Variants in MYL4 observed in about 807,000 individuals in gnomAD.
MYL4 encodes myosin light chain 4.
A neutral mutation model predicts 21.6 loss-of-function variants in MYL4; 16 were observed. The observed-to-expected ratio is 0.74, with a 90% CI of 0.50 to 1.12. MYL4 has a LOEUF of 1.12. MYL4 is among the 50% of genes most tolerant of loss of function. The probability of loss-of-function intolerance (pLI) is 0.00; values close to 1 mark genes in which losing one functional copy is unlikely to be tolerated. For synonymous variants in MYL4, 82 were observed against 95.7 expected (o/e 0.86, Z 0.83); for missense variants, 249 against 252.9 (o/e 0.98, Z 0.11).
chr17:47,208,265 A>G (rs1046550677), upstream of MYL4, among the ~76,000 whole-genome samples: 35 of 152,108 alleles, frequency 2.3e-4, no homozygotes, highest in Admixed American at 4.6e-4. Context: ...AAAACAAAAA[A>G]CAAAAAAACT....
the MYL4 span, among the ~76,000 whole-genome samples, chr17:47,189,945 TG>T: frequency 3.9e-3 from 595 of 152,160 alleles, 4 homozygotes; most frequent in African/African-American, 0.014. Context: ...AGAGGGCAAT[TG>T]TGATAAGATA....
At chr17:47,194,118 C>G in the MYL4 span, among the ~76,000 whole-genome samples, 1 of 152,214 alleles carries the variant, frequency 6.6e-6, no homozygotes, top group Non-Finnish European at 1.5e-5. Flanking sequence ...TCCAGCCAGA[C>G]TACTTTTTAG....
At chr17:47,189,489 G>T in the MYL4 span, 1 of 453,004 alleles carries the variant, frequency 2.2e-6, no homozygotes, top group South Asian at 2.4e-5. Flanking sequence ...TCTCTTCTCA[G>T]CCACGCCTTC....
chr17:47,199,168 GA>G (rs1334883439), upstream of MYL4, among the ~76,000 whole-genome samples: 11 of 151,512 alleles, frequency 7.3e-5, no homozygotes, highest in East Asian at 1.9e-3. Flanking sequence ...GTGACCCCCA[GA>G]AGTGGACCTT....
chr17:47,211,254 A>G (rs2064772568), intron 1 of MYL4, among the ~76,000 whole-genome samples: 1 of 152,148 alleles, frequency 6.6e-6, no homozygotes, highest in Non-Finnish European at 1.5e-5. Flanking sequence ...CTTTACTCCA[A>G]GACAGAAGAG....
At position 47,203,143 on chromosome 17, in the gene MYL4, G is replaced by A. The variant is rs1353804202; in HGVS notation, c.-35+2557G>A. 7.9e-5 allele frequency among the ~76,000 whole-genome samples: 12 copies of A among 152,116 alleles called. No individual in the cohort carries two copies. In the East Asian group the frequency reaches 2.3e-3, roughly 29 times the overall value. ...TTTTTGTATTTTTAGTAGAGACAGG[G>A]TTTCACCATGTTGGCCAGGCTGGTC... On this transcript the variant is annotated intron_variant and NMD_transcript_variant, in intron 1 of 6. Coordinates refer to the MYL4 transcript ENST00000571981.
intron 1 of MYL4, among the ~76,000 whole-genome samples, chr17:47,213,273 C>T (rs752312697): frequency 2.0e-5 from 3 of 152,130 alleles, no homozygotes; most frequent in Admixed American, 6.5e-5. Context: ...ACTTAATAAG[C>T]GGTATTGAGA....
intron 1 of MYL4, among the ~76,000 whole-genome samples, chr17:47,201,506 C>T (rs1477554117): frequency 6.6e-6 from 1 of 151,290 alleles, no homozygotes; most frequent in African/African-American, 2.4e-5. Context: ...GCCCAGGCTG[C>T]AGTGCAATGG....
intron 2 of MYL4, among the ~76,000 whole-genome samples, chr17:47,219,315 C>T (rs1283566170): frequency 2.0e-5 from 3 of 152,190 alleles, no homozygotes; most frequent in African/African-American, 7.2e-5. Flanking sequence ...GTTGTCACTC[C>T]CTTTGTGTGC....
intron 1 of MYL4, among the ~76,000 whole-genome samples, chr17:47,211,348 G>A (rs1379252692): frequency 6.6e-6 from 1 of 151,962 alleles, no homozygotes; most frequent in Non-Finnish European, 1.5e-5. Flanking sequence ...AGGCATTTGA[G>A]TCCAGCCTGG....
At chr17:47,205,108 T>A (rs140671873), upstream of MYL4, among the ~76,000 whole-genome samples, 1 of 152,322 alleles carries the variant, frequency 6.6e-6, no homozygotes, top group East Asian at 1.9e-4. Context: ...AGGGCTGATG[T>A]CACTTCTCCT....
At chr17:47,220,490 G>A (rs2064847824) in intron 3 of MYL4, among the ~76,000 whole-genome samples, 1 of 152,238 alleles carries the variant, frequency 6.6e-6, no homozygotes, top group African/African-American at 2.4e-5. Context: ...AATGGTTAGA[G>A]TACTGACGTT....
intron 2 of MYL4, among the ~76,000 whole-genome samples, 186 bp from the exon 3 acceptor site, chr17:47,219,718 C>G (rs1035942584): frequency 6.6e-6 from 1 of 152,136 alleles, no homozygotes; most frequent in African/African-American, 2.4e-5. Context: ...CAGGCTGCTT[C>G]TTTGGTTGAC....
upstream of MYL4, among the ~76,000 whole-genome samples, chr17:47,199,541 C>A (rs2064701878): frequency 6.6e-6 from 1 of 152,154 alleles, no homozygotes; most frequent in African/African-American, 2.4e-5. Context: ...AAGGAGCTCA[C>A]TGTCTGGTGT....
chr17:47,211,589 C>A (rs538001613), intron 1 of MYL4, among the ~76,000 whole-genome samples: 2 of 152,266 alleles, frequency 1.3e-5, no homozygotes, highest in East Asian at 3.9e-4. Flanking sequence ...GCATCCTTCA[C>A]CCCATCTAGG....
chr17:47,209,946 A>ACAGAT (rs1410571040), intron 1 of MYL4, among the ~76,000 whole-genome samples: 1 of 152,188 alleles, frequency 6.6e-6, no homozygotes, highest in Non-Finnish European at 1.5e-5. Flanking sequence ...TGGAGAACAG[A>ACAGAT]CAGATCATGG....
chr17:47,205,277 G>A (rs182783590), upstream of MYL4, among the ~76,000 whole-genome samples: 2,826 of 152,314 alleles, frequency 0.019, 39 homozygotes, highest in Middle Eastern at 0.075. Flanking sequence ...CCCAGAGAAA[G>A]TTGTTTGGCT....
intron 1 of MYL4, among the ~76,000 whole-genome samples, chr17:47,211,513 T>C (rs908126971): frequency 1.6e-4 from 24 of 152,250 alleles, no homozygotes; most frequent in African/African-American, 5.8e-4. Context: ...TACATGTTTA[T>C]TCCTGGTTCT....
chr17:47,203,307 A>T (rs2149038615), intron 1 of MYL4, among the ~76,000 whole-genome samples: 1 of 151,912 alleles, frequency 6.6e-6, no homozygotes, highest in Non-Finnish European at 1.5e-5. Flanking sequence ...TATCCTCCAT[A>T]TCTCTTAGCT....
Sources: gnomAD v4.1 joint callset for allele counts (sites outside exome capture counted in the v4.1 genomes callset) on GRCh38, gnomAD v4.1.1 for gene constraint, MANE v1.5 for transcripts, NCBI Gene and HGNC (gene_info 2026-07-23, HGNC 2026-07-21) for gene names.